PTPN3: variants seen among roughly 807,000 people sequenced by gnomAD.
PTPN3 encodes the protein protein tyrosine phosphatase non-receptor type 3.
PTPN3 carries 96 observed loss-of-function variants against 132.7 expected under a neutral mutation model. The ratio of observed to expected loss-of-function variants is 0.72; its 90% confidence interval spans 0.61 to 0.86. The LOEUF (loss-of-function observed/expected upper bound fraction) is 0.86. Among genes scored for constraint, PTPN3 ranks in the 40% least tolerant of loss-of-function variants. The pLI is 0.00. For missense variants in PTPN3, 1,125 were observed against 1,159.6 expected, an observed-to-expected ratio of 0.97 and a Z score of 0.43; for synonymous variants, 398 against 429.0, an observed-to-expected ratio of 0.93 and a Z score of 0.89.
At chr9:109,469,220 T>C (rs1846249080) in intron 1 of PTPN3, among the ~76,000 whole-genome samples, 1 of 152,204 alleles carries the variant, frequency 6.6e-6, no homozygotes, top group African/African-American at 2.4e-5. Flanking sequence ...TCTGTCTACA[T>C]TCGGATCTGG....
intron 14 of PTPN3, among the ~76,000 whole-genome samples, chr9:109,417,084 T>A (rs1842564127): frequency 1.3e-5 from 2 of 152,348 alleles, no homozygotes; most frequent in East Asian, 1.9e-4. Context: ...CAGAATTTGG[T>A]CTTCATTCGG....
the PTPN3 span, among the ~76,000 whole-genome samples, chr9:109,520,225 C>G: frequency 2.6e-5 from 4 of 151,744 alleles, no homozygotes; most frequent in East Asian, 7.7e-4. Flanking sequence ...CTAGATTTAT[C>G]TAGAGCCCAT....
chr9:109,438,954 G>GCTAT (rs1353613673), intron 7 of PTPN3, among the ~76,000 whole-genome samples: 4 of 152,250 alleles, frequency 2.6e-5, no homozygotes, highest in Non-Finnish European at 5.9e-5. Context: ...TTAGGGACCT[G>GCTAT]CAGGTGCAGA....
At chr9:109,402,673 T>C (rs1401880896) in intron 19 of PTPN3, among the ~76,000 whole-genome samples, 1 of 152,194 alleles carries the variant, frequency 6.6e-6, no homozygotes, top group Non-Finnish European at 1.5e-5. Flanking sequence ...CAGTAATATA[T>C]CTATTAGTTC....
At chr9:109,487,724 C>T (rs2132115566) in intron 1 of PTPN3, among the ~76,000 whole-genome samples, 1 of 152,340 alleles carries the variant, frequency 6.6e-6, no homozygotes, top group Middle Eastern at 3.4e-3. Flanking sequence ...TGCCTAACTG[C>T]TTCAATGCCA....
chr9:109,470,449 C>T (rs549423454), intron 1 of PTPN3, among the ~76,000 whole-genome samples: 144 of 151,950 alleles, frequency 9.5e-4, no homozygotes, highest in African/African-American at 3.3e-3. Context: ...AAAGCCAGGC[C>T]TAACTGTTCC....
At chr9:109,460,200 C>T (rs770221074) in intron 2 of PTPN3, among the ~76,000 whole-genome samples, 5 of 152,178 alleles carry the variant, frequency 3.3e-5, no homozygotes, top group Non-Finnish European at 5.9e-5. Context: ...GGCCAAAAAT[C>T]TGGGATTCAC....
chr9:109,533,452 G>C, the PTPN3 span: 2 of 1,524,734 alleles, frequency 1.3e-6, no homozygotes, highest in South Asian at 1.1e-5. Flanking sequence ...GGCCGGTTTA[G>C]GGTTTTCTGT....
intron 4 of PTPN3, among the ~76,000 whole-genome samples, chr9:109,456,403 C>T (rs943012466): frequency 2.0e-5 from 3 of 152,126 alleles, no homozygotes; most frequent in Admixed American, 1.3e-4. Flanking sequence ...AAGAGAATGT[C>T]GAGGGAGCCA....
chr9:109,467,816 C>A (rs1846174845), intron 1 of PTPN3, among the ~76,000 whole-genome samples: 1 of 152,198 alleles, frequency 6.6e-6, no homozygotes, highest in Non-Finnish European at 1.5e-5. Context: ...AGCACAGTCA[C>A]ACAGCTAGCT....
chr9:109,471,608 A>C (rs935507810), intron 1 of PTPN3, among the ~76,000 whole-genome samples: 2 of 151,974 alleles, frequency 1.3e-5, no homozygotes, highest in African/African-American at 4.8e-5. Flanking sequence ...TCCTTTATTT[A>C]TCTTCCCCGA....
At chr9:109,439,484 T>C (rs1399118694) in intron 7 of PTPN3, among the ~76,000 whole-genome samples, 1 of 152,210 alleles carries the variant, frequency 6.6e-6, no homozygotes, top group African/African-American at 2.4e-5. Context: ...ACCAAAGATT[T>C]CCAAATCAAA....
chr9:109,391,778 T>G (rs1051863957), intron 19 of PTPN3, among the ~76,000 whole-genome samples: 1 of 140,862 alleles, frequency 7.1e-6, no homozygotes, highest in Non-Finnish European at 1.5e-5. Flanking sequence ...AAAAATGCCA[T>G]AGGAAGGGTC....
intron 1 of PTPN3, among the ~76,000 whole-genome samples, chr9:109,474,114 G>A (rs891083523): frequency 6.6e-6 from 1 of 151,906 alleles, no homozygotes; most frequent in Non-Finnish European, 1.5e-5. Context: ...CCCACTGCGC[G>A]CCACCTTGGT....
chr9:109,498,419 C>T (rs1847789480), upstream of PTPN3: 1 of 149,560 alleles, frequency 6.7e-6, no homozygotes, highest in Non-Finnish European at 1.5e-5. The surrounding 1 kb of genome is among the most constrained non-coding windows in gnomAD (Gnocchi z 4.2). Context: ...GTTCTCCCGC[C>T]CCCGCCCCGG....
chr9:109,534,632 C>CA, the PTPN3 span, among the ~76,000 whole-genome samples: 33,655 of 108,020 alleles, frequency 0.31, 5,349 homozygotes, highest in East Asian at 0.52. Flanking sequence ...CAAAAAAATA[C>CA]AAAAAAAAAA....
chr9:109,468,081 G>A (rs1846188217), intron 1 of PTPN3, among the ~76,000 whole-genome samples: 2 of 152,110 alleles, frequency 1.3e-5, no homozygotes, highest in Admixed American at 1.3e-4. Context: ...CAATCTGGTC[G>A]GGACAATGGA....
At chr9:109,484,693 C>T (rs987921213) in intron 1 of PTPN3, among the ~76,000 whole-genome samples, 4 of 152,144 alleles carry the variant, frequency 2.6e-5, no homozygotes, top group Non-Finnish European at 5.9e-5. Flanking sequence ...GTCAGCAGCA[C>T]CCTTGTTTGA....
chr9:109,429,588 A>G (rs1053717997), intron 10 of PTPN3, among the ~76,000 whole-genome samples: 2 of 152,232 alleles, frequency 1.3e-5, no homozygotes, highest in African/African-American at 4.8e-5. Context: ...TATCTGGGGG[A>G]TTCTTTTTAA....
Sources: allele counts gnomAD v4.1 joint callset (sites outside exome capture counted in the v4.1 genomes callset), GRCh38; gene constraint gnomAD v4.1.1; non-coding constraint Gnocchi (gnomAD v3.1); transcripts MANE v1.5; gene names NCBI Gene and HGNC (gene_info 2026-07-23, HGNC 2026-07-21).